The following COL6A2 variants were observed in gnomAD, a reference collection of about 807,000 sequenced individuals.
COL6A2 encodes the protein collagen type VI alpha 2 chain.
A neutral mutation model predicts 124.9 loss-of-function variants in COL6A2; 90 were observed. The observed-to-expected ratio is 0.72, with a 90% confidence interval of 0.61 to 0.86. The LOEUF is 0.86. Among genes scored for constraint, COL6A2 ranks in the 40% least tolerant of loss-of-function variants. The pLI, the probability that COL6A2 is intolerant of heterozygous loss-of-function variation, is 0.00. For synonymous variants in COL6A2, 793 were observed against 618.2 expected, an observed-to-expected ratio of 1.28 and a Z score of -4.19; for missense variants, 1,607 against 1,502.5, an observed-to-expected ratio of 1.07 and a Z score of -1.15.
chr21:46,128,621 G>A (rs1007683104), intron 27 of COL6A2, among the ~76,000 whole-genome samples: 1 of 152,238 alleles, frequency 6.6e-6, no homozygotes, highest in Non-Finnish European at 1.5e-5. Context: ...CGCAGCTGAA[G>A]GCAGTCAGGG....
At chr21:46,121,959 G>T in intron 18 of COL6A2, 149 bp from the exon 19 acceptor site, 2 of 815,742 alleles carry the variant, frequency 2.5e-6, no homozygotes, top group Non-Finnish European at 4.1e-6. Flanking sequence ...GGGCGAGGTT[G>T]GCCCTGCCAG....
chr21:46,128,762 A>G (rs2078713728), intron 27 of COL6A2: 3 of 776,030 alleles, frequency 3.9e-6, no homozygotes, highest in East Asian at 2.5e-5. Context: ...GGTGTAGAGG[A>G]CTCACATCCC....
intron 14 of COL6A2, 134 bp downstream of exon 14, chr21:46,119,253 C>T (rs1190692000): frequency 2.7e-6 from 2 of 749,720 alleles, no homozygotes; most frequent in African/African-American, 3.5e-5. Flanking sequence ...GGCCCCCATC[C>T]TCCCAAGAAG....
intron 19 of COL6A2, 127 bp downstream of exon 19, chr21:46,122,285 G>A: frequency 7.9e-7 from 1 of 1,268,814 alleles, no homozygotes. Context: ...CCTCCTGCGG[G>A]ACAGAGTGGT....
intron 1 of COL6A2, among the ~76,000 whole-genome samples, chr21:46,106,019 G>T (rs565694184): frequency 1.3e-5 from 2 of 152,266 alleles, no homozygotes; most frequent in South Asian, 4.1e-4. Flanking sequence ...TAAATAGATT[G>T]ACAGTGAAAG....
intron 11 of COL6A2, 146 bp downstream of exon 11, chr21:46,117,599 C>T: frequency 1.1e-6 from 1 of 900,334 alleles, no homozygotes; most frequent in Non-Finnish European, 1.8e-6. Context: ...GCCCAGCATT[C>T]TGCCGGGTCG....
In COL6A2 at chr21:46,124,035, G is replaced by A. The variant is rs112111238; in HGVS notation, c.1672-616G>A. Among the ~76,000 whole-genome samples, 1,071 of 132,534 alleles carry A rather than the reference G, an allele frequency of 8.1e-3. 26 individuals carry two copies. Among genetic ancestry groups the A allele is most frequent in the Non-Finnish European group, 5.4e-3 (343 of 63,050 alleles). The allele number at this position is 132,534 out of a possible 152,430, so 86.9% of individuals were successfully genotyped here. On this transcript the variant is annotated intron_variant, in intron 21 of 27. Transcript: ENST00000300527. Reference sequence around the variant, plus strand: ...TAGGTGAATGAGTGGATGGACAGACGGACAGTGGGTGGATGGATGAGTGAA... The same window carrying A: ...TAGGTGAATGAGTGGATGGACAGACAGACAGTGGGTGGATGGATGAGTGAA...
In COL6A2 at chr21:46,115,862, C is replaced by G; in HGVS notation, c.802-10C>G. 1.2e-6 allele frequency: 2 copies of G among 1,612,768 alleles called. No homozygotes were observed. The highest frequency in any genetic ancestry group is 1.7e-6 in the Non-Finnish European group (2 of 1,179,954). On this transcript the variant is annotated splice_polypyrimidine_tract_variant and intron_variant, in intron 5 of 27. Transcript: ENST00000300527. The stretch of plus-strand genomic sequence containing the variant: ...ACCCTGCCTCGATGTACTCTTTTCT[C>G]TGCTTTTAGGGTGCCAAGGGCAACA...
Position 46,132,548 on chromosome 21 carries a change from G to A in COL6A2, c.3056G>A (p.Cys1019Tyr), listed in dbSNP as rs1304519260. ...GFFDRFIRWI[C>Y] Reference sequence around the variant, plus strand: ...TTCGACCGCTTCATCCGCTGGATCTGCTAGCGCCGCCGCCCGGGCCCCGCA... The same window carrying A: ...TTCGACCGCTTCATCCGCTGGATCTACTAGCGCCGCCGCCCGGGCCCCGCA... Residue 1019 changes from cysteine (C) to tyrosine (Y), a missense_variant, in exon 28 of 28, where the codon TGC (cysteine) becomes TAC (tyrosine). Physicochemically the swap from Cys to Tyr is radical, Grantham distance 194. This residue lies in a region of COL6A2 where 1,223 missense variants were observed against 1,052.2 expected (regional missense o/e 1.16). Transcript: ENST00000300527. 1.3e-6 allele frequency: 2 copies of A among 1,597,714 alleles called. No homozygotes were observed. Among genetic ancestry groups the A allele is most frequent in the Non-Finnish European group, 8.5e-7 (1 of 1,176,620 alleles).
intron 12 of COL6A2, 62 bp downstream of exon 12, chr21:46,117,998 G>C: frequency 6.7e-7 from 1 of 1,495,922 alleles, no homozygotes; most frequent in African/African-American, 1.4e-5. Context: ...GCCTCCTGGA[G>C]GCAGCCCCAG....
chr21:46,116,016 C>T lies in COL6A2; in HGVS notation c.863C>T (p.Pro288Leu), dbSNP rs745566911. The T allele has an allele frequency of 3.5e-5, 57 of 1,608,106 alleles. No individual in the cohort carries two copies. In the Middle Eastern group the frequency reaches 8.2e-4, roughly 23 times the overall value. Residue 288 changes from proline to leucine, a missense_variant, in exon 7 of 28, where the codon CCG becomes CTG. Coordinates refer to ENST00000300527, the MANE Select transcript of COL6A2 (RefSeq NM_001849.4). This position sits in a 1 kb window ranked among gnomAD's most constrained non-coding sequence, Gnocchi z 4.6. ...EPGQKGRQGD[P>L]GIEGPIGFPG... is the part of the protein sequence containing the mutation. ...CTGCGTTGTCCTTCACAGGGAGACC[C>T]GGGCATCGAAGGCCCCATTGGATTC...
chr21:46,131,834 G>C (rs1394729186), intron 27 of COL6A2, 120 bp from the exon 28 acceptor site: 1 of 961,848 alleles, frequency 1.0e-6, no homozygotes, highest in Admixed American at 2.0e-5. Context: ...CCCCCGCAGA[G>C]CCCAGTGGTC....
At chr21:46,126,811 A>C (rs1031536335) in intron 27 of COL6A2, among the ~76,000 whole-genome samples, 1 of 152,166 alleles carries the variant, frequency 6.6e-6, no homozygotes, top group African/African-American at 2.4e-5. Flanking sequence ...GCATGTGGCC[A>C]CTGGTCTTGA....
chr21:46,125,130 C>T (rs2078640484), intron 23 of COL6A2, 136 bp from the exon 24 acceptor site: 3 of 1,043,390 alleles, frequency 2.9e-6, no homozygotes, highest in Non-Finnish European at 4.4e-6. Flanking sequence ...TTGGTAGGGA[C>T]AGGACCCGCC....
rs61735833 is a variant in COL6A2, at chr21:46,112,151, C to A, written c.288C>A (p.Tyr96Ter). 5 of 1,613,072 alleles carry A rather than the reference C, an allele frequency of 3.1e-6. No individual in the cohort carries two copies. Among genetic ancestry groups the A allele is most frequent in the Non-Finnish European group, 4.2e-6 (5 of 1,180,028 alleles). Residue 96 changes from tyrosine (Y) to a stop codon, truncating the protein, a stop_gained, in exon 3 of 28, where the codon TAC becomes TAA. Coordinates refer to ENST00000300527, the MANE Select transcript of COL6A2 (RefSeq NM_001849.4). LOFTEE classifies it high-confidence loss of function. ...YLDQVALSWR[Y>*]GGLHFSDQVE... ...ACCAGGTGGCGCTGAGCTGGCGCTA[C>A]GGCGGCCTGCACTTCTCTGACCAGG...
At position 46,116,531 on chromosome 21, in the gene COL6A2, G is replaced by T; in HGVS notation, c.928-120G>T. 6.4e-7 allele frequency: 1 copy of T among 1,573,392 alleles called. No individual in the cohort carries two copies. The highest frequency in any genetic ancestry group is 8.7e-7 in the Non-Finnish European group (1 of 1,148,768). ...TGGTCTTTTCTCAGTGGTGGCTTTG[G>T]GGGCTCCTGGGGGGTCCTGTGGCCT... On this transcript the variant is annotated intron_variant, in intron 8 of 27. Transcript: ENST00000300527. The surrounding 1 kb of genome is among the most constrained non-coding windows in gnomAD (Gnocchi z 4.6).
At chr21:46,126,319 CA>C in intron 26 of COL6A2, 82 bp downstream of exon 26, 2 of 1,543,752 alleles carry the variant, frequency 1.3e-6, no homozygotes, top group South Asian at 2.2e-5. Flanking sequence ...GGACACCCCT[CA>C]CCTGAGGGAT....
chr21:46,117,521 G>A, intron 11 of COL6A2, 68 bp downstream of exon 11: 1 of 1,503,804 alleles, frequency 6.6e-7, no homozygotes, highest in South Asian at 1.1e-5. Context: ...CGGGTGGGAG[G>A]GTAGTTGCTG....
At chr21:46,120,900 C>A (rs2078555577) in intron 16 of COL6A2, among the ~76,000 whole-genome samples, 161 bp from the exon 17 acceptor site, 1 of 152,154 alleles carries the variant, frequency 6.6e-6, no homozygotes, top group Non-Finnish European at 1.5e-5. Flanking sequence ...GTGCTCAGGG[C>A]TGAAGGTCAA....
Sources: allele counts gnomAD v4.1 joint callset (sites outside exome capture counted in the v4.1 genomes callset), GRCh38; gene constraint gnomAD v4.1.1; regional missense constraint gnomAD v4.1.1; non-coding constraint Gnocchi (gnomAD v3.1); transcripts MANE v1.5; gene names NCBI Gene and HGNC (gene_info 2026-07-23, HGNC 2026-07-21).